ABHD18: variants seen among roughly 807,000 people sequenced by gnomAD.
ABHD18 encodes the protein cardiolipin-specific deacylase, mitochondrial.
ABHD18 carries 55 observed loss-of-function variants against 65.9 expected under a neutral mutation model. That is an observed-to-expected ratio of 0.84 (90% CI 0.67 to 1.05). ABHD18 has a LOEUF of 1.05. Ranked by LOEUF, ABHD18 falls within the 50% of genes least tolerant of loss-of-function variation. The pLI is 0.00. For missense variants in ABHD18, 533 were observed against 558.5 expected (o/e 0.95, Z 0.46); for synonymous variants, 181 against 180.2 (o/e 1.00, Z -0.04).
chr4:128,027,598 G>A (rs1441417171), intron 10 of ABHD18, among the ~76,000 whole-genome samples: 2 of 152,082 alleles, frequency 1.3e-5, no homozygotes, highest in Admixed American at 1.3e-4. Context: ...TAGAGACAGG[G>A]TTTTGCCATG....
intron 1 of ABHD18, among the ~76,000 whole-genome samples, chr4:127,968,917 TC>T (rs1404672693): frequency 1.3e-5 from 2 of 152,232 alleles, no homozygotes; most frequent in East Asian, 3.9e-4. Context: ...GCCAACCCTG[TC>T]TAGAAAGACT....
intron 4 of ABHD18, among the ~76,000 whole-genome samples, chr4:127,991,619 A>T (rs1750941236): frequency 6.6e-6 from 1 of 152,192 alleles, no homozygotes; most frequent in South Asian, 2.1e-4. Flanking sequence ...AATTTTATTT[A>T]AAAAGAACAA....
chr4:128,024,106 C>T (rs1277898014), intron 10 of ABHD18, among the ~76,000 whole-genome samples: 3 of 152,130 alleles, frequency 2.0e-5, no homozygotes, highest in East Asian at 3.9e-4. Flanking sequence ...ATATGTGGCT[C>T]ACAGTTCTGG....
In ABHD18 at chr4:128,036,894, G is replaced by A. The variant is rs916983741; in HGVS notation, c.*1081G>A. On this transcript the variant is annotated 3_prime_UTR_variant, in exon 13 of 13. Transcript: ENST00000645843. ...AGCACTTTGGGACGCTCAGGCGGGC[G>A]GATCACAAGGTCAGGAGTTTAAGAC... The A allele has an allele frequency of 1.3e-5, 2 of 151,994 alleles. No homozygotes were observed. Among genetic ancestry groups the A allele is most frequent in the Non-Finnish European group, 2.9e-5 (2 of 68,070 alleles). 9.4% of individuals were successfully genotyped at this position (151,994 alleles called of 1,614,324 possible).
intron 12 of ABHD18, among the ~76,000 whole-genome samples, chr4:128,032,600 C>T (rs902066042): frequency 6.6e-6 from 1 of 151,872 alleles, no homozygotes; most frequent in Non-Finnish European, 1.5e-5. Context: ...GCAGGAGAAC[C>T]GCTTGAACCT....
Position 127,988,852 on chromosome 4 carries a change from C to T in ABHD18, c.178-869C>T, listed in dbSNP as rs546958804. Among the ~76,000 whole-genome samples, 122 of 152,224 alleles carry T rather than the reference C, an allele frequency of 8.0e-4. 1 individual carries two copies. The highest frequency in any genetic ancestry group is 3.4e-3 in the Middle Eastern group (1 of 294). ...GGAATGTAAGTTAGTACGACCACTG[C>T]GGAGAACAGTATGGAACTTCCTCAA... On this transcript the variant is annotated intron_variant, in intron 3 of 12. Transcript: ENST00000645843.
intron 3 of ABHD18, among the ~76,000 whole-genome samples, chr4:127,985,803 A>T (rs1425483166): frequency 6.6e-6 from 1 of 152,064 alleles, no homozygotes; most frequent in African/African-American, 2.4e-5. Context: ...AGAGATCGAG[A>T]CCATCCTGGC....
At position 128,035,926 on chromosome 4, in the gene ABHD18, A is replaced by G. The variant is rs895391102; in HGVS notation, c.*113A>G. 9 of 523,680 alleles carry G rather than the reference A, an allele frequency of 1.7e-5. No homozygotes were observed. The highest frequency in any genetic ancestry group is 1.1e-4 in the African/African-American group (6 of 52,590). The allele number at this position is 523,680 out of a possible 1,614,324, so 32.4% of individuals were successfully genotyped here. A position where few individuals can be genotyped will look rare whatever the true frequency, so the allele number is the denominator to read the frequency against. ...GCACTAATATATCTAATCGCTATCA[A>G]TTTGGTCTGGAATTCATTGTTACAC... On this transcript the variant is annotated 3_prime_UTR_variant, in exon 13 of 13. Coordinates refer to ENST00000645843, the MANE Select transcript of ABHD18 (RefSeq NM_001358451.3).
chr4:127,999,981 G>T (rs1480296465), intron 4 of ABHD18, among the ~76,000 whole-genome samples: 1 of 152,192 alleles, frequency 6.6e-6, no homozygotes, highest in Non-Finnish European at 1.5e-5. Flanking sequence ...ATGGCGGAAG[G>T]TGAAAGGCAC....
At chr4:128,014,295 C>T (rs1377515005) in intron 7 of ABHD18, among the ~76,000 whole-genome samples, 1 of 152,070 alleles carries the variant, frequency 6.6e-6, no homozygotes, top group African/African-American at 2.4e-5. Context: ...AGAATTTCCA[C>T]TTTGGAACCA....
chr4:128,001,795 G>A, intron 4 of ABHD18: 2 of 1,528,958 alleles, frequency 1.3e-6, no homozygotes, highest in African/African-American at 1.4e-5. Context: ...AGAAACTTTT[G>A]TGGTCTTTTG....
chr4:127,967,772 CAT>C (rs202042010), intron 1 of ABHD18, among the ~76,000 whole-genome samples: 2,288 of 149,834 alleles, frequency 0.015, 32 homozygotes, highest in African/African-American at 0.031. Context: ...AACATTTAAA[CAT>C]ATATATATAT....
At chr4:127,999,335 C>T (rs921308667) in intron 4 of ABHD18, among the ~76,000 whole-genome samples, 4 of 151,954 alleles carry the variant, frequency 2.6e-5, no homozygotes, top group African/African-American at 9.7e-5. Flanking sequence ...TTAGTTCTTA[C>T]CATAGCTTAA....
At chr4:128,030,753 C>T (rs1226771040) in intron 12 of ABHD18, 81 bp downstream of exon 12, 1 of 1,515,680 alleles carries the variant, frequency 6.6e-7, no homozygotes, top group African/African-American at 1.4e-5. Flanking sequence ...TGTAAAAGAT[C>T]ACATATTTTT....
intron 4 of ABHD18, among the ~76,000 whole-genome samples, chr4:128,008,261 C>CTTTATT (rs1753957504): frequency 1.0e-5 from 1 of 97,772 alleles, no homozygotes; most frequent in Non-Finnish European, 1.9e-5. Flanking sequence ...GACTCCGTTC[C>CTTTATT]TTTTTTTTTT....
intron 1 of ABHD18, among the ~76,000 whole-genome samples, chr4:127,970,589 CAA>C (rs375709595): frequency 1.1e-4 from 6 of 54,652 alleles, no homozygotes; most frequent in Non-Finnish European, 1.9e-4. Flanking sequence ...AACTCTGTCT[CAA>C]AAAAAAAAAA....
intron 12 of ABHD18, among the ~76,000 whole-genome samples, chr4:128,032,962 C>A (rs1051653387): frequency 2.0e-5 from 3 of 151,786 alleles, no homozygotes; most frequent in African/African-American, 7.3e-5. Flanking sequence ...AAAAAATTAT[C>A]CAGTGGGTGG....
At chr4:127,987,486 G>A (rs1297006915) in intron 3 of ABHD18, among the ~76,000 whole-genome samples, 5 of 152,044 alleles carry the variant, frequency 3.3e-5, no homozygotes, top group Non-Finnish European at 5.9e-5. Context: ...GAGGAGCATG[G>A]ATCACTTGAG....
At chr4:128,010,787 T>G (rs1205934827) in intron 6 of ABHD18, among the ~76,000 whole-genome samples, 1 of 151,482 alleles carries the variant, frequency 6.6e-6, no homozygotes, top group Non-Finnish European at 1.5e-5. Flanking sequence ...TGGTGGCGTG[T>G]GCCTGTAATC....
Sources: gnomAD v4.1 joint callset for allele counts (sites outside exome capture counted in the v4.1 genomes callset) on GRCh38, gnomAD v4.1.1 for gene constraint, MANE v1.5 for transcripts, NCBI Gene and HGNC (gene_info 2026-07-23, HGNC 2026-07-21) for gene names.